The following TSPAN2 variants were observed in gnomAD, a reference collection of about 807,000 sequenced individuals.
TSPAN2 encodes the protein tetraspanin 2.
A neutral mutation model predicts 33.3 loss-of-function variants in TSPAN2; 24 were observed. That is an observed-to-expected ratio of 0.72 (90% CI 0.52 to 1.01). The LOEUF (loss-of-function observed/expected upper bound fraction) is 1.01. Among genes scored for constraint, TSPAN2 ranks in the 50% least tolerant of loss-of-function variants. The probability of loss-of-function intolerance (pLI) is 0.00; values close to 1 mark genes in which losing one functional copy is unlikely to be tolerated. For missense variants in TSPAN2, 278 were observed against 281.3 expected (o/e 0.99, Z 0.08); for synonymous variants, 114 against 104.5 (o/e 1.09, Z -0.56).
intron 5 of TSPAN2, among the ~76,000 whole-genome samples, 175 bp from the exon 6 acceptor site, chr1:115,057,783 A>G (rs1035036655): frequency 6.6e-6 from 1 of 152,258 alleles, no homozygotes; most frequent in Non-Finnish European, 1.5e-5. Context: ...TCATGCTGGC[A>G]AAACAAGAAA....
At chr1:115,078,140 C>T (rs965943631) in intron 1 of TSPAN2, among the ~76,000 whole-genome samples, 10 of 152,188 alleles carry the variant, frequency 6.6e-5, no homozygotes, top group Admixed American at 3.3e-4. Context: ...TTCCCTCCTC[C>T]GCCTCCCCCT....
chr1:115,062,099 C>T, intron 3 of TSPAN2, 36 bp downstream of exon 3: 1 of 1,469,348 alleles, frequency 6.8e-7, no homozygotes, highest in Non-Finnish European at 9.3e-7. Context: ...CGCTCCCTCA[C>T]CCCCACCCCA....
intron 2 of TSPAN2, among the ~76,000 whole-genome samples, chr1:115,064,146 T>A (rs1570971811): frequency 6.6e-6 from 1 of 152,206 alleles, no homozygotes; most frequent in African/African-American, 2.4e-5. Flanking sequence ...CGTGGTTAGG[T>A]AAGCAAGGAC....
At chr1:115,064,853 A>G (rs1330239441) in intron 2 of TSPAN2, among the ~76,000 whole-genome samples, 2 of 152,114 alleles carry the variant, frequency 1.3e-5, no homozygotes, top group South Asian at 2.1e-4. Context: ...GCTCGTGAGG[A>G]GGCAGGAGGC....
At chr1:115,077,082 C>T (rs530998150) in intron 1 of TSPAN2, among the ~76,000 whole-genome samples, 9 of 152,086 alleles carry the variant, frequency 5.9e-5, no homozygotes, top group Admixed American at 5.2e-4. Context: ...ATCACACTAG[C>T]TAATTTTTGT....
intron 7 of TSPAN2, 70 bp from the exon 8 acceptor site, chr1:115,050,625 C>T (rs1675289725): frequency 8.3e-7 from 1 of 1,208,628 alleles, no homozygotes; most frequent in Non-Finnish European, 1.2e-6. Context: ...CAGCAGACTT[C>T]CTGGGTGTCT....
At chr1:115,061,109 A>G (rs1232588509) in intron 3 of TSPAN2, among the ~76,000 whole-genome samples, 2 of 152,226 alleles carry the variant, frequency 1.3e-5, no homozygotes, top group African/African-American at 4.8e-5. Context: ...GTGATAAACA[A>G]GACAGAAATG....
At chr1:115,089,309 C>T in intron 1 of TSPAN2, 55 bp downstream of exon 1, 2 of 1,402,236 alleles carry the variant, frequency 1.4e-6, no homozygotes, top group South Asian at 1.3e-5. Flanking sequence ...ACCCCGGCCC[C>T]GCGCCCGCCA....
intron 1 of TSPAN2, among the ~76,000 whole-genome samples, chr1:115,075,068 C>A (rs1430093571): frequency 6.6e-6 from 1 of 152,166 alleles, no homozygotes; most frequent in African/African-American, 2.4e-5. Flanking sequence ...TGACTGGTCC[C>A]AGGGACACCC....
At chr1:115,054,096 G>T (rs922135441) in intron 6 of TSPAN2, among the ~76,000 whole-genome samples, 9 of 152,170 alleles carry the variant, frequency 5.9e-5, no homozygotes, top group African/African-American at 1.9e-4. Flanking sequence ...GGCCTTCATG[G>T]ATGTGGGGAA....
intron 6 of TSPAN2, among the ~76,000 whole-genome samples, chr1:115,054,855 C>T (rs1456931866): frequency 6.6e-6 from 1 of 152,098 alleles, no homozygotes; most frequent in Non-Finnish European, 1.5e-5. Context: ...GGCATGGTGG[C>T]ACCTACCTGT....
intron 3 of TSPAN2, among the ~76,000 whole-genome samples, chr1:115,061,703 G>A (rs549221165): frequency 6.6e-6 from 1 of 152,026 alleles, no homozygotes; most frequent in East Asian, 1.9e-4. Context: ...ACAAGGTTTT[G>A]CTCTGTCGCC....
At chr1:115,064,951 T>C (rs1215610414) in intron 2 of TSPAN2, among the ~76,000 whole-genome samples, 1 of 152,222 alleles carries the variant, frequency 6.6e-6, no homozygotes, top group Non-Finnish European at 1.5e-5. Context: ...CAACAATCCT[T>C]ATCCTTCTGA....
chr1:115,055,609 T>C, intron 6 of TSPAN2, among the ~76,000 whole-genome samples: 1 of 152,066 alleles, frequency 6.6e-6, no homozygotes, highest in East Asian at 1.9e-4. Flanking sequence ...CTGCAACCTC[T>C]GCCTCCCAGG....
intron 1 of TSPAN2, among the ~76,000 whole-genome samples, chr1:115,077,232 TC>T (rs1279551602): frequency 3.3e-5 from 5 of 152,172 alleles, no homozygotes; most frequent in Admixed American, 6.5e-5. Context: ...TCATTCCTTT[TC>T]TGAGGACCGG....
intron 2 of TSPAN2, among the ~76,000 whole-genome samples, chr1:115,068,951 G>C (rs144875460): frequency 6.6e-6 from 1 of 152,316 alleles, no homozygotes; most frequent in African/African-American, 2.4e-5. Context: ...TCCAGGCCAA[G>C]CCCCACCAGG....
At chr1:115,060,121 G>A (rs1304438317) in intron 4 of TSPAN2, among the ~76,000 whole-genome samples, 1 of 152,166 alleles carries the variant, frequency 6.6e-6, no homozygotes, top group Non-Finnish European at 1.5e-5. Context: ...TCTGACAGGG[G>A]ATGAGAATCT....
intron 1 of TSPAN2, among the ~76,000 whole-genome samples, chr1:115,087,832 C>T (rs1648902069): frequency 6.6e-6 from 1 of 152,102 alleles, no homozygotes; most frequent in African/African-American, 2.4e-5. Flanking sequence ...ACATTGAAAA[C>T]ATTCAATGAA....
intron 1 of TSPAN2, among the ~76,000 whole-genome samples, chr1:115,074,502 T>A (rs1252562477): frequency 6.6e-6 from 1 of 151,970 alleles, no homozygotes; most frequent in East Asian, 1.9e-4. Flanking sequence ...ACTAATTGGA[T>A]AATGTGAGGG....
Sources: gnomAD v4.1 joint callset for allele counts (sites outside exome capture counted in the v4.1 genomes callset) on GRCh38, gnomAD v4.1.1 for gene constraint, MANE v1.5 for transcripts, NCBI Gene and HGNC (gene_info 2026-07-23, HGNC 2026-07-21) for gene names.